TRIP12: variants seen among roughly 807,000 people sequenced by gnomAD.
TRIP12 encodes the protein thyroid hormone receptor interactor 12.
In TRIP12, 25 loss-of-function variants were observed where a neutral mutation model predicts 244.2. The ratio of observed to expected loss-of-function variants is 0.10; its 90% CI spans 0.07 to 0.14. The LOEUF is 0.14. TRIP12 is among the 10% of genes least tolerant of loss of function. The pLI is 1.00. For synonymous variants in TRIP12, 905 were observed against 873.1 expected, an observed-to-expected ratio of 1.04 and a Z score of -0.64; for missense variants, 1,677 against 2,486.4, an observed-to-expected ratio of 0.67 and a Z score of 6.92.
intron 1 of TRIP12, 67 bp from the exon 2 acceptor site, chr2:229,880,195 G>T: frequency 1.0e-6 from 1 of 966,942 alleles, no homozygotes; most frequent in Non-Finnish European, 1.5e-6. Flanking sequence ...AGAAATGAGG[G>T]GAACTTACGG....
chr2:229,799,740 A>C (rs1047191376), intron 21 of TRIP12, among the ~76,000 whole-genome samples: 1 of 151,476 alleles, frequency 6.6e-6, no homozygotes, highest in South Asian at 2.1e-4. Flanking sequence ...GCGCCACTGC[A>C]CTCCAGCCTG....
intron 2 of TRIP12, among the ~76,000 whole-genome samples, chr2:229,866,288 T>A (rs535090800): frequency 2.6e-5 from 4 of 152,328 alleles, no homozygotes; most frequent in South Asian, 2.1e-4. Context: ...CAGGCACCGT[T>A]TTTAATGCCT....
chr2:229,773,854 G>A (rs1298785465), intron 38 of TRIP12: 2 of 346,694 alleles, frequency 5.8e-6, no homozygotes, highest in Non-Finnish European at 5.2e-6. Context: ...AAGAAAACGT[G>A]GTGTAATTAG....
Position 229,840,944 on chromosome 2 carries a change from G to T in TRIP12, c.1028-17C>A. 6.5e-7 allele frequency: 1 copy of T among 1,536,004 alleles called. No homozygotes were observed. The highest frequency in any genetic ancestry group is 8.8e-7 in the Non-Finnish European group (1 of 1,134,174). Reference sequence around the variant, plus strand: ...TTCTTAAACCTATCCACAGAAAATGGAAAAGTGTAATTTTATAATGAGAAA... The same window carrying T: ...TTCTTAAACCTATCCACAGAAAATGTAAAAGTGTAATTTTATAATGAGAAA... On this transcript the variant is annotated splice_polypyrimidine_tract_variant and intron_variant, in intron 4 of 41. Transcript: ENST00000675903.
intron 5 of TRIP12, among the ~76,000 whole-genome samples, chr2:229,839,099 A>G (rs1413422900): frequency 6.6e-6 from 1 of 152,254 alleles, no homozygotes; most frequent in Non-Finnish European, 1.5e-5. Flanking sequence ...CGAACCACGT[A>G]TATGACCGTG....
chr2:229,843,236 C>A (rs2056897514), intron 4 of TRIP12, among the ~76,000 whole-genome samples: 1 of 152,064 alleles, frequency 6.6e-6, no homozygotes, highest in South Asian at 2.1e-4. Flanking sequence ...GGTTTTGTGT[C>A]ATGAAGTTAG....
chr2:229,922,540 CTT>C (rs1355429702), upstream of TRIP12: 5 of 1,613,910 alleles, frequency 3.1e-6, no homozygotes, highest in Admixed American at 3.3e-5. Flanking sequence ...CGGAGACTCT[CTT>C]TGAAACTGTA....
intron 21 of TRIP12, among the ~76,000 whole-genome samples, chr2:229,801,414 A>G (rs2154268487): frequency 6.6e-6 from 1 of 152,292 alleles, no homozygotes; most frequent in Non-Finnish European, 1.5e-5. Context: ...AGACAATGCT[A>G]CCCTGCAGAT....
In TRIP12 at chr2:229,819,085, C is replaced by CACACA. The variant is rs1553640456; in HGVS notation, c.1451-574_1451-573insTGTGT. On this transcript the variant is annotated intron_variant, in intron 8 of 41. Coordinates refer to ENST00000675903, the MANE Select transcript of TRIP12 (RefSeq NM_001348323.3). ...ACACACACACACACACACACACACA[C>CACACA]AATTATAAACCCTTGCATCCTCTTT... is the stretch of plus-strand genomic sequence containing the variant. 2.8e-4 allele frequency among the ~76,000 whole-genome samples: 31 copies of CACACA among 109,696 alleles called. 1 individual carries two copies. The South Asian group carries it at 9.6e-3, about 34-fold the overall frequency. 72.0% of individuals were successfully genotyped at this position (109,696 alleles called of 152,430 possible). A position where few individuals can be genotyped will look rare whatever the true frequency, so the allele number is the denominator to read the frequency against.
chr2:229,807,566 G>A (rs1293095714), intron 17 of TRIP12, 142 bp downstream of exon 17: 13 of 1,072,418 alleles, frequency 1.2e-5, no homozygotes, highest in Non-Finnish European at 1.6e-5. Context: ...TGAGGACCTT[G>A]TTCTCAGGAG....
At chr2:229,839,939 G>A (rs2055956868) in intron 5 of TRIP12, among the ~76,000 whole-genome samples, 1 of 152,152 alleles carries the variant, frequency 6.6e-6, no homozygotes, top group Admixed American at 6.5e-5. Context: ...AATTGGAGAT[G>A]GGAGAGAACA....
At chr2:229,905,860 T>C (rs745874454) in intron 1 of TRIP12, among the ~76,000 whole-genome samples, 5 of 151,952 alleles carry the variant, frequency 3.3e-5, no homozygotes, top group African/African-American at 7.3e-5. Flanking sequence ...CATTTAGGAG[T>C]ATCCAATAGC....
At chr2:229,905,179 C>A (rs996925931) in intron 1 of TRIP12, among the ~76,000 whole-genome samples, 8 of 151,046 alleles carry the variant, frequency 5.3e-5, no homozygotes, top group Non-Finnish European at 1.0e-4. Context: ...GAGGGTGAGG[C>A]AGGAGAATCG....
In TRIP12 at chr2:229,778,382, C is replaced by T; in HGVS notation, c.5364+51G>A. On this transcript the variant is annotated intron_variant, in intron 36 of 41. Transcript: ENST00000675903. This position sits in a 1 kb window ranked among gnomAD's most constrained non-coding sequence, Gnocchi z 4.1. ...AAACTACAGGGGACTGAGGTACTTG[C>T]ACAGAACATTCTACACCAAAACTGC... is the stretch of plus-strand genomic sequence containing the variant. 3 of 1,607,318 alleles carry T rather than the reference C, an allele frequency of 1.9e-6. No individual in the cohort carries two copies. The highest frequency in any genetic ancestry group is 1.7e-4 in the Middle Eastern group (1 of 6,020).
In TRIP12 at chr2:229,859,245, C is replaced by G; in HGVS notation, c.554G>C (p.Gly185Ala). 6.2e-7 allele frequency: 1 copy of G among 1,614,202 alleles called. No homozygotes were observed. Among genetic ancestry groups the G allele is most frequent in the South Asian group, 1.1e-5 (1 of 91,084 alleles). Residue 185 changes from glycine to alanine, a missense_variant, in exon 4 of 42, where the codon GGT becomes GCT. Gly to Ala is a moderately conservative substitution (Grantham distance 60). Transcript: ENST00000675903. ...CCTTTTTCTTTTCTGACTCCGTGAA[C>G]CGCCAGTGGCCCCACTCTTCCTGGT... is the stretch of plus-strand genomic sequence containing the variant. ...AHTRKSGATG[G>A]SRSQKRKRTE...
chr2:229,763,904 A>G lies in TRIP12; in HGVS notation c.*3650T>C, dbSNP rs1482275777. 6.6e-6 allele frequency: 1 copy of G among 152,240 alleles called. No homozygotes were observed. The highest frequency in any genetic ancestry group is 1.9e-4 in the East Asian group (1 of 5,202). 9.4% of individuals were successfully genotyped at this position (152,240 alleles called of 1,614,324 possible). On this transcript the variant is annotated 3_prime_UTR_variant, in exon 42 of 42. Coordinates refer to ENST00000675903, the MANE Select transcript of TRIP12 (RefSeq NM_001348323.3). Reference sequence around the variant, plus strand: ...AGTCAGTGCATTTATGCAATTTTACATACACATCTGTAGTTTGAGGTTCCA... The same window carrying G: ...AGTCAGTGCATTTATGCAATTTTACGTACACATCTGTAGTTTGAGGTTCCA...
intron 6 of TRIP12, among the ~76,000 whole-genome samples, chr2:229,834,942 A>T (rs1007003242): frequency 6.6e-6 from 1 of 152,188 alleles, no homozygotes; most frequent in African/African-American, 2.4e-5. Flanking sequence ...TCTTATATCG[A>T]CTATACAAGT....
At chr2:229,797,523 G>C (rs1165195497) in intron 24 of TRIP12, among the ~76,000 whole-genome samples, 167 bp downstream of exon 24, 2 of 152,166 alleles carry the variant, frequency 1.3e-5, no homozygotes, top group African/African-American at 2.4e-5. Context: ...AATCCTGATA[G>C]TCAAGGGATA....
At position 229,899,681 on chromosome 2, in the gene TRIP12, C is replaced by T. The variant is rs533269454; in HGVS notation, c.-49-19553G>A. Among the ~76,000 whole-genome samples, 8 of 152,264 alleles carry T rather than the reference C, an allele frequency of 5.3e-5. No individual in the cohort carries two copies. In the South Asian group the frequency reaches 1.7e-3, roughly 32 times the overall value. On this transcript the variant is annotated intron_variant, in intron 1 of 41. Coordinates refer to ENST00000675903, the MANE Select transcript of TRIP12 (RefSeq NM_001348323.3). Reference sequence around the variant, plus strand: ...CCCGAGCCCTAGGGGTGGCAATACACATTCCAGGAAGAGCTGGTATATAAG... The same window carrying T: ...CCCGAGCCCTAGGGGTGGCAATACATATTCCAGGAAGAGCTGGTATATAAG...
Sources: allele counts gnomAD v4.1 joint callset (sites outside exome capture counted in the v4.1 genomes callset), GRCh38; gene constraint gnomAD v4.1.1; non-coding constraint Gnocchi (gnomAD v3.1); transcripts MANE v1.5; gene names NCBI Gene and HGNC (gene_info 2026-07-23, HGNC 2026-07-21).